GSK3B: variants seen among roughly 807,000 people sequenced by gnomAD.
GSK3B encodes the protein glycogen synthase kinase 3 beta, also known as glycogen synthase kinase-3 beta.
In GSK3B, 15 loss-of-function variants were observed where a neutral mutation model predicts 56.4. That is an observed-to-expected ratio of 0.27 (90% confidence interval 0.18 to 0.41). The LOEUF is 0.41. Ranked by LOEUF, GSK3B falls within the 10% of genes least tolerant of loss-of-function variation. The pLI, the probability that GSK3B is intolerant of heterozygous loss-of-function variation, is 1.00. For missense variants in GSK3B, 300 were observed against 513.4 expected (o/e 0.58, Z 4.02); for synonymous variants, 181 against 188.9 (o/e 0.96, Z 0.34).
At chr3:120,071,487 C>T (rs1225425692) in intron 1 of GSK3B, among the ~76,000 whole-genome samples, 1 of 152,206 alleles carries the variant, frequency 6.6e-6, no homozygotes, top group East Asian at 1.9e-4. Context: ...ACCACCTGAG[C>T]TCTGCCGCCT....
chr3:120,004,969 A>T (rs2057712690), intron 1 of GSK3B, among the ~76,000 whole-genome samples: 1 of 152,164 alleles, frequency 6.6e-6, no homozygotes, highest in Admixed American at 6.5e-5. Context: ...CAGTAATAAC[A>T]AACTTCTCCA....
intron 2 of GSK3B, among the ~76,000 whole-genome samples, chr3:119,949,272 A>G (rs2057131421): frequency 6.6e-6 from 1 of 152,354 alleles, no homozygotes; most frequent in South Asian, 2.1e-4. Context: ...CTAAGTATTC[A>G]TCTACATTTA....
chr3:119,917,430 G>C (rs543597723), intron 4 of GSK3B, among the ~76,000 whole-genome samples: 1 of 152,146 alleles, frequency 6.6e-6, no homozygotes, highest in Non-Finnish European at 1.5e-5. Context: ...AGGCATTTAG[G>C]TATCCATGTA....
intron 1 of GSK3B, among the ~76,000 whole-genome samples, chr3:120,066,536 T>C (rs367950885): frequency 9.2e-5 from 14 of 152,292 alleles, no homozygotes; most frequent in African/African-American, 3.4e-4. Context: ...TTCTGTCAAA[T>C]GCTAAAGAAT....
intron 7 of GSK3B, among the ~76,000 whole-genome samples, chr3:119,903,438 T>A (rs2056645529): frequency 6.6e-6 from 1 of 152,172 alleles, no homozygotes; most frequent in African/African-American, 2.4e-5. Context: ...AGTGTTTTAT[T>A]TCAGAGTTGG....
intron 7 of GSK3B, among the ~76,000 whole-genome samples, chr3:119,894,754 T>C (rs1576181135): frequency 6.6e-6 from 1 of 152,262 alleles, no homozygotes; most frequent in East Asian, 1.9e-4. Context: ...CAAAGTCCAA[T>C]TTACTTCTAT....
intron 10 of GSK3B, among the ~76,000 whole-genome samples, chr3:119,842,529 G>C (rs2055788166): frequency 6.6e-6 from 1 of 152,068 alleles, no homozygotes; most frequent in African/African-American, 2.4e-5. Flanking sequence ...ATTATTTTCA[G>C]TAACAACATA....
chr3:119,960,248 T>A (rs185413463), intron 2 of GSK3B, among the ~76,000 whole-genome samples: 1 of 147,732 alleles, frequency 6.8e-6, no homozygotes, highest in African/African-American at 2.5e-5. Context: ...AGTTTGGAAA[T>A]GGTAAACAGA....
intron 2 of GSK3B, among the ~76,000 whole-genome samples, chr3:119,994,736 T>C (rs1226320340): frequency 6.6e-6 from 1 of 152,090 alleles, no homozygotes; most frequent in African/African-American, 2.4e-5. Context: ...TTCAAAAACA[T>C]GAATGTCATG....
chr3:119,966,850 G>A (rs114828489), intron 2 of GSK3B, among the ~76,000 whole-genome samples: 2,427 of 151,934 alleles, frequency 0.016, 63 homozygotes, highest in African/African-American at 0.055. Context: ...AGAACACACT[G>A]CAAAAGAACT....
chr3:119,873,295 A>G (rs2056270320), intron 8 of GSK3B, among the ~76,000 whole-genome samples: 1 of 151,944 alleles, frequency 6.6e-6, no homozygotes, highest in Non-Finnish European at 1.5e-5. Context: ...ATGTTTCCAC[A>G]AAAGACATTT....
chr3:120,085,497 A>T (rs1430959160), intron 1 of GSK3B, among the ~76,000 whole-genome samples: 2 of 152,230 alleles, frequency 1.3e-5, no homozygotes, highest in African/African-American at 4.8e-5. Context: ...CAATAACTTC[A>T]ACACAGGTCA....
At chr3:120,068,503 C>T (rs1484070131) in intron 1 of GSK3B, among the ~76,000 whole-genome samples, 3 of 151,794 alleles carry the variant, frequency 2.0e-5, no homozygotes, top group African/African-American at 4.8e-5. Flanking sequence ...GAGTTCAAGA[C>T]CCGCCTGGGC....
At chr3:119,915,411 A>G (rs2107457011) in intron 5 of GSK3B, among the ~76,000 whole-genome samples, 1 of 152,260 alleles carries the variant, frequency 6.6e-6, no homozygotes, top group South Asian at 2.1e-4. Context: ...AACAATACTA[A>G]AATACAATCA....
chr3:120,022,432 A>G lies in GSK3B; in HGVS notation c.89-20193T>C, dbSNP rs149607795. 3.9e-5 allele frequency among the ~76,000 whole-genome samples: 6 copies of G among 152,342 alleles called. No homozygotes were observed. In the South Asian group the frequency reaches 6.2e-4, roughly 16 times the overall value. On this transcript the variant is annotated intron_variant, in intron 1 of 10. Transcript: ENST00000264235. ...ACCAAACCCACAATATTGTCAAGGT[A>G]TGCACATATTAAATAACATTGTCCT... is the stretch of plus-strand genomic sequence containing the variant.
rs548563063 is a variant in GSK3B, at chr3:120,058,687, C to T, written c.88+34660G>A. ...GTAAAATACAGGTAATAATGCTTCT[C>T]CCTCAGGATTATTATGAGGACTGTG... On this transcript the variant is annotated intron_variant, in intron 1 of 10. Coordinates refer to ENST00000264235, the MANE Select transcript of GSK3B (RefSeq NM_001146156.2). Among the ~76,000 whole-genome samples the T allele has an allele frequency of 6.6e-5, 10 of 152,172 alleles. No individual in the cohort carries two copies. The East Asian group carries it at 1.2e-3, about 18-fold the overall frequency.
chr3:120,023,875 C>T (rs147842428), intron 1 of GSK3B, among the ~76,000 whole-genome samples: 59 of 152,290 alleles, frequency 3.9e-4, no homozygotes, highest in Non-Finnish European at 7.2e-4. Context: ...TTGTGACCCG[C>T]GTAGGCAATA....
intron 1 of GSK3B, among the ~76,000 whole-genome samples, chr3:120,034,646 ACTTTATT>A (rs1312236321): frequency 6.6e-6 from 1 of 152,088 alleles, no homozygotes; most frequent in African/African-American, 2.4e-5. Flanking sequence ...GATTCCTCTA[ACTTTATT>A]CTTTATTTTT....
At chr3:119,868,522 AT>A (rs34761665) in intron 8 of GSK3B, among the ~76,000 whole-genome samples, 1 of 152,246 alleles carries the variant, frequency 6.6e-6, no homozygotes. Flanking sequence ...TAAAAAGGCC[AT>A]TTTTAAACAA....
Sources: gnomAD v4.1 joint callset for allele counts (sites outside exome capture counted in the v4.1 genomes callset) on GRCh38, gnomAD v4.1.1 for gene constraint, MANE v1.5 for transcripts, NCBI Gene and HGNC (gene_info 2026-07-23, HGNC 2026-07-21) for gene names.